DEPDC5: variants seen among roughly 807,000 people sequenced by gnomAD.
The protein encoded by DEPDC5 is DEP domain containing 5, GATOR1 subcomplex subunit.
Under a neutral mutation model 217.3 loss-of-function variants are expected in DEPDC5, and 73 were observed. That is an observed-to-expected ratio of 0.34 (90% CI 0.28 to 0.41). DEPDC5 has a LOEUF of 0.41. Ranked by LOEUF, DEPDC5 falls within the 10% of genes least tolerant of loss-of-function variation. The probability of loss-of-function intolerance (pLI) is 1.00; values close to 1 mark genes in which losing one functional copy is unlikely to be tolerated. For missense variants in DEPDC5, 1,675 were observed against 2,070.1 expected (o/e 0.81, Z 3.70); for synonymous variants, 733 against 756.7 (o/e 0.97, Z 0.51).
At chr22:31,864,501 A>ATATATATATATATATAT (rs2092618825) in intron 33 of DEPDC5, among the ~76,000 whole-genome samples, 1 of 123,160 alleles carries the variant, frequency 8.1e-6, no homozygotes, top group Non-Finnish European at 1.7e-5. Context: ...TCTTCATTAA[A>ATATATATATATATATAT]ATATATATAT....
chr22:31,760,262 G>T (rs1233198685), intron 3 of DEPDC5, among the ~76,000 whole-genome samples: 1 of 151,650 alleles, frequency 6.6e-6, no homozygotes, highest in Non-Finnish European at 1.5e-5. Context: ...GAGAGACGGG[G>T]TTTCACTGTG....
intron 7 of DEPDC5, among the ~76,000 whole-genome samples, chr22:31,777,349 C>G (rs1478172394): frequency 1.3e-5 from 2 of 151,984 alleles, no homozygotes; most frequent in East Asian, 3.9e-4. Flanking sequence ...CAACTTCCAC[C>G]TCCTGGGTTC....
chr22:31,887,237 G>A (rs968171079), intron 38 of DEPDC5, among the ~76,000 whole-genome samples: 1 of 151,792 alleles, frequency 6.6e-6, no homozygotes, highest in Admixed American at 6.6e-5. Flanking sequence ...TGGCCAACAC[G>A]ATGAATCCCT....
intron 37 of DEPDC5, among the ~76,000 whole-genome samples, chr22:31,879,045 TA>T (rs2093092930): frequency 2.1e-5 from 2 of 93,074 alleles, no homozygotes; most frequent in Non-Finnish European, 4.3e-5. Context: ...AAAAAAAAAA[TA>T]TATATATATA....
chr22:31,795,665 A>G (rs2086160876), intron 12 of DEPDC5, among the ~76,000 whole-genome samples: 1 of 151,864 alleles, frequency 6.6e-6, no homozygotes, highest in African/African-American at 2.4e-5. Flanking sequence ...AAATGCTGGC[A>G]TGAGCCACCA....
At chr22:31,887,599 G>A (rs2093347643) in intron 38 of DEPDC5, among the ~76,000 whole-genome samples, 1 of 152,110 alleles carries the variant, frequency 6.6e-6, no homozygotes, top group Admixed American at 6.6e-5. Flanking sequence ...GTGTGCCCAT[G>A]TTTCCTGGGA....
chr22:31,807,781 T>C (rs1602025644), intron 18 of DEPDC5, among the ~76,000 whole-genome samples: 1 of 152,296 alleles, frequency 6.6e-6, no homozygotes, highest in East Asian at 1.9e-4. Flanking sequence ...AAGCAGGCTG[T>C]TATGTTTGCA....
chr22:31,878,213 G>A (rs942933597), intron 37 of DEPDC5, among the ~76,000 whole-genome samples: 2 of 151,906 alleles, frequency 1.3e-5, no homozygotes, highest in Non-Finnish European at 2.9e-5. Context: ...TCTTACATGA[G>A]ATGAAGCAGC....
chr22:31,803,584 C>G (rs2087130872), intron 15 of DEPDC5, among the ~76,000 whole-genome samples: 2 of 151,940 alleles, frequency 1.3e-5, no homozygotes, highest in South Asian at 4.1e-4. Context: ...GCCTCGTATC[C>G]CCAACTCAGC....
intron 22 of DEPDC5, among the ~76,000 whole-genome samples, chr22:31,821,079 T>A (rs1270900200): frequency 6.6e-6 from 1 of 152,256 alleles, no homozygotes; most frequent in Non-Finnish European, 1.5e-5. Context: ...ACTCTGCCTT[T>A]TTTGCACTTA....
intron 36 of DEPDC5, chr22:31,875,871 G>A (rs1422433050): frequency 1.9e-5 from 5 of 261,186 alleles, no homozygotes; most frequent in Non-Finnish European, 3.7e-5. Context: ...GGCCTCAAGT[G>A]ATCCACCCCC....
At chr22:31,869,240 GAA>G (rs563406542) in intron 33 of DEPDC5, among the ~76,000 whole-genome samples, 3 of 132,362 alleles carry the variant, frequency 2.3e-5, no homozygotes, top group South Asian at 2.4e-4. Flanking sequence ...CCTGTCTCTG[GAA>G]AAAAAAAAAA....
At chr22:31,893,166 GC>G (rs199806465) in intron 38 of DEPDC5, among the ~76,000 whole-genome samples, 3,841 of 152,114 alleles carry the variant, frequency 0.025, 79 homozygotes, top group Non-Finnish European at 0.036. Context: ...GAGCCACTGT[GC>G]CCGGCTGGTG....
At chr22:31,755,917 G>T (rs2075286925) in intron 2 of DEPDC5, among the ~76,000 whole-genome samples, 2 of 151,242 alleles carry the variant, frequency 1.3e-5, no homozygotes, top group South Asian at 4.2e-4. Flanking sequence ...TCTGTCACCA[G>T]GCTGGAGTGC....
intron 38 of DEPDC5, among the ~76,000 whole-genome samples, chr22:31,888,852 T>A (rs2093375655): frequency 6.6e-6 from 1 of 152,222 alleles, no homozygotes; most frequent in South Asian, 2.1e-4. Context: ...GGCCCCAGCC[T>A]TTTCTTGACG....
chr22:31,769,483 A>G (rs891424344), intron 7 of DEPDC5: 2 of 152,338 alleles, frequency 1.3e-5, no homozygotes, highest in Non-Finnish European at 2.9e-5. Context: ...ATTAGGAAAC[A>G]GGTTTAGAAA....
chr22:31,844,605 A>G (rs576504640), intron 29 of DEPDC5: 1 of 174,434 alleles, frequency 5.7e-6, no homozygotes, highest in African/African-American at 2.4e-5. Flanking sequence ...TGTGATTGTG[A>G]TGATAGCCAC....
intron 41 of DEPDC5, among the ~76,000 whole-genome samples, chr22:31,902,380 C>A (rs1346741606): frequency 7.0e-6 from 1 of 143,352 alleles, no homozygotes; most frequent in Non-Finnish European, 1.5e-5. Flanking sequence ...TCTCATTACA[C>A]CTTCTCCAGT....
chr22:31,758,556 A>G lies in DEPDC5; in HGVS notation c.69A>G (p.Leu23=), dbSNP rs200119826. 3.4e-5 allele frequency: 55 copies of G among 1,614,150 alleles called. No individual in the cohort carries two copies. The East Asian group carries it at 1.2e-3, about 35-fold the overall frequency. Residue 23 remains leucine, a synonymous_variant, in exon 3 of 43, where the codon CTA becomes CTG. Coordinates refer to ENST00000651528, the MANE Select transcript of DEPDC5 (RefSeq NM_001242896.3). The part of the protein sequence containing the change: ...KKGFGGSDDE[L]VVNPKVFPHI... Reference sequence around the variant, plus strand: ...TGAATTGTCTTTCAGATGATGAGCTAGTTGTGAACCCCAAAGTGTTCCCTC... The same window carrying G: ...TGAATTGTCTTTCAGATGATGAGCTGGTTGTGAACCCCAAAGTGTTCCCTC...
Sources: gnomAD v4.1 joint callset for allele counts (sites outside exome capture counted in the v4.1 genomes callset) on GRCh38, gnomAD v4.1.1 for gene constraint, MANE v1.5 for transcripts, NCBI Gene and HGNC (gene_info 2026-07-23, HGNC 2026-07-21) for gene names.